The following CPQ variants were observed in gnomAD, a reference collection of about 807,000 sequenced individuals.
The protein encoded by CPQ is Ser-Met dipeptidase.
A neutral mutation model predicts 45.7 loss-of-function variants in CPQ; 37 were observed. That is an observed-to-expected ratio of 0.81 (90% confidence interval 0.62 to 1.07). The LOEUF (loss-of-function observed/expected upper bound fraction) is 1.07, where lower values mean the gene tolerates loss of function less well. Among genes scored for constraint, CPQ ranks in the 50% least tolerant of loss-of-function variants. The pLI, the probability that CPQ is intolerant of heterozygous loss-of-function variation, is 0.00. For synonymous variants in CPQ, 186 were observed against 205.8 expected (o/e 0.90, Z 0.82); for missense variants, 537 against 572.9 (o/e 0.94, Z 0.64).
chr8:97,008,141 A>T (rs1271003103), intron 5 of CPQ, among the ~76,000 whole-genome samples: 4 of 17,120 alleles, frequency 2.3e-4, no homozygotes, highest in East Asian at 2.2e-3. Flanking sequence ...TCTTTATTTA[A>T]AAAAAAAAAT....
chr8:97,002,477 G>C (rs1031851416), intron 5 of CPQ, among the ~76,000 whole-genome samples: 2 of 152,152 alleles, frequency 1.3e-5, no homozygotes, highest in African/African-American at 4.8e-5. Flanking sequence ...GTTCACATTA[G>C]TTTCAAAGAA....
chr8:97,036,246 C>T (rs1810004791), intron 6 of CPQ, among the ~76,000 whole-genome samples: 1 of 152,070 alleles, frequency 6.6e-6, no homozygotes, highest in East Asian at 1.9e-4. Context: ...GAGGACGATT[C>T]CCTCAAAGGG....
At chr8:96,854,320 A>C (rs1336298335) in intron 3 of CPQ, among the ~76,000 whole-genome samples, 1 of 151,542 alleles carries the variant, frequency 6.6e-6, no homozygotes, top group Admixed American at 6.6e-5. Context: ...TCACGAGGTC[A>C]GGAGATCGAG....
At chr8:96,777,010 GT>G (rs1810613964) in intron 1 of CPQ, among the ~76,000 whole-genome samples, 1 of 152,240 alleles carries the variant, frequency 6.6e-6, no homozygotes, top group East Asian at 1.9e-4. Flanking sequence ...ATGTTGTGTA[GT>G]TTAAGTTTAG....
chr8:96,817,625 T>A (rs569461613), intron 2 of CPQ, among the ~76,000 whole-genome samples: 9 of 151,764 alleles, frequency 5.9e-5, no homozygotes, highest in Admixed American at 3.3e-4. Context: ...TTTTTTTTTT[T>A]ATTATTGAGA....
At chr8:96,928,060 C>A (rs1191480055) in intron 4 of CPQ, among the ~76,000 whole-genome samples, 2 of 152,176 alleles carry the variant, frequency 1.3e-5, no homozygotes, top group African/African-American at 2.4e-5. Context: ...ACCAGCAGGT[C>A]CCGTACAGCT....
At chr8:96,976,162 T>G (rs1310046518) in intron 5 of CPQ, among the ~76,000 whole-genome samples, 1 of 141,498 alleles carries the variant, frequency 7.1e-6, no homozygotes, top group African/African-American at 2.6e-5. Context: ...AAAATTAATG[T>G]ACACAAATCA....
intron 1 of CPQ, among the ~76,000 whole-genome samples, chr8:96,665,785 A>C (rs1328844859): frequency 6.6e-6 from 1 of 152,162 alleles, no homozygotes; most frequent in Non-Finnish European, 1.5e-5. Flanking sequence ...ACAGGCTCTC[A>C]GTATATGGTA....
intron 3 of CPQ, among the ~76,000 whole-genome samples, chr8:96,872,685 A>T (rs1194178687): frequency 6.6e-6 from 1 of 151,912 alleles, no homozygotes; most frequent in East Asian, 1.9e-4. Context: ...CAGAGAAACA[A>T]AACCAATAGG....
intron 3 of CPQ, among the ~76,000 whole-genome samples, chr8:96,870,228 G>C (rs376485115): frequency 6.6e-6 from 1 of 151,884 alleles, no homozygotes; most frequent in African/African-American, 2.4e-5. Flanking sequence ...TACTTAAATA[G>C]GTTCCCTTAA....
At chr8:96,801,038 T>G (rs1467318011) in intron 2 of CPQ, among the ~76,000 whole-genome samples, 1 of 150,908 alleles carries the variant, frequency 6.6e-6, no homozygotes, top group Non-Finnish European at 1.5e-5. Context: ...TGCAGTGGCA[T>G]GATCTTGGCT....
chr8:96,957,200 C>T (rs1400114244), intron 4 of CPQ, among the ~76,000 whole-genome samples: 2 of 152,194 alleles, frequency 1.3e-5, no homozygotes, highest in African/African-American at 4.8e-5. Flanking sequence ...TGATTGACTT[C>T]TGACTCCCCA....
chr8:96,790,861 C>A (rs1407864824), intron 2 of CPQ, among the ~76,000 whole-genome samples: 1 of 151,984 alleles, frequency 6.6e-6, no homozygotes, highest in Admixed American at 6.6e-5. Context: ...GGGTGAAGAT[C>A]TGCTGAGTTA....
chr8:96,830,363 T>C (rs1811438742), intron 2 of CPQ, among the ~76,000 whole-genome samples: 1 of 152,112 alleles, frequency 6.6e-6, no homozygotes. Flanking sequence ...GAGACTGAGA[T>C]TGGAGTCTTT....
At chr8:96,819,450 CA>C (rs201280319) in intron 2 of CPQ, among the ~76,000 whole-genome samples, 5 of 150,256 alleles carry the variant, frequency 3.3e-5, no homozygotes, top group South Asian at 2.1e-4. Flanking sequence ...GATTAGGAAA[CA>C]AAAAAAAATC....
At chr8:96,961,225 A>G (rs575943305) in intron 4 of CPQ, among the ~76,000 whole-genome samples, 7 of 152,152 alleles carry the variant, frequency 4.6e-5, no homozygotes, top group Non-Finnish European at 1.0e-4. Context: ...TGTGATTTTA[A>G]ATTTTTTGCC....
intron 3 of CPQ, among the ~76,000 whole-genome samples, chr8:96,836,623 C>G (rs1192582560): frequency 6.6e-6 from 1 of 152,132 alleles, no homozygotes; most frequent in Non-Finnish European, 1.5e-5. Flanking sequence ...ATTCAGCAAG[C>G]TGTGGCCATT....
At chr8:96,845,813 CTTTTTA>C (rs1277147837) in intron 3 of CPQ, among the ~76,000 whole-genome samples, 1 of 152,014 alleles carries the variant, frequency 6.6e-6, no homozygotes, top group Non-Finnish European at 1.5e-5. Flanking sequence ...AATTGCCTAA[CTTTTTA>C]TTTTTATTTT....
intron 3 of CPQ, 115 bp downstream of exon 3, chr8:96,835,295 T>C (rs564848757): frequency 1.2e-6 from 1 of 811,690 alleles, no homozygotes; most frequent in South Asian, 3.3e-5. Context: ...GTTCATGGAG[T>C]TTCCCCCCCA....
Sources: gnomAD v4.1 joint callset for allele counts (sites outside exome capture counted in the v4.1 genomes callset) on GRCh38, gnomAD v4.1.1 for gene constraint, MANE v1.5 for transcripts, NCBI Gene and HGNC (gene_info 2026-07-23, HGNC 2026-07-21) for gene names.